DIS3L2: variants seen among roughly 807,000 people sequenced by gnomAD.
DIS3L2 encodes DIS3 like 3'-5' exoribonuclease 2, also known as DIS3-like exonuclease 2.
Under a neutral mutation model 97.5 loss-of-function variants are expected in DIS3L2, and 34 were observed. The observed-to-expected ratio is 0.35, with a 90% CI of 0.27 to 0.46. DIS3L2 has a LOEUF of 0.46. Among genes scored for constraint, DIS3L2 ranks in the 20% least tolerant of loss-of-function variants. DIS3L2 has a pLI of 1.00. For synonymous variants in DIS3L2, 435 were observed against 445.2 expected, an observed-to-expected ratio of 0.98 and a Z score of 0.29; for missense variants, 1,038 against 1,146.0, an observed-to-expected ratio of 0.91 and a Z score of 1.36.
chr2:232,104,392 G>A (rs544939145), intron 6 of DIS3L2, among the ~76,000 whole-genome samples: 2 of 152,196 alleles, frequency 1.3e-5, no homozygotes, highest in South Asian at 4.1e-4. Flanking sequence ...ATAACACACA[G>A]AAACTTTTGT....
rs540637002 is a variant in DIS3L2, at chr2:231,976,300, G to A, written c.-94+14535G>A. On this transcript the variant is annotated intron_variant, in intron 1 of 20. Coordinates refer to ENST00000325385, the MANE Select transcript of DIS3L2 (RefSeq NM_152383.5). ...TACAGATCCTTCTTGACTTCTGATG[G>A]CGTTGCATTCCAATAAACCCATCAT... Among the ~76,000 whole-genome samples, 335 of 152,038 alleles carry A rather than the reference G, an allele frequency of 2.2e-3. 2 individuals are homozygous for A. Among genetic ancestry groups the A allele is most frequent in the African/African-American group, 7.9e-3 (328 of 41,448 alleles).
chr2:232,249,382 CTT>C, intron 12 of DIS3L2, 36 bp downstream of exon 12: 1 of 1,596,946 alleles, frequency 6.3e-7, no homozygotes, highest in South Asian at 1.1e-5. Context: ...CCACTTACCT[CTT>C]TTCTGTTCCA....
At chr2:232,234,806 G>A (rs1265493342) in intron 10 of DIS3L2, among the ~76,000 whole-genome samples, 1 of 152,178 alleles carries the variant, frequency 6.6e-6, no homozygotes, top group Non-Finnish European at 1.5e-5. Flanking sequence ...AAATGGATGG[G>A]TCCCCACTCA....
At chr2:232,169,156 A>T (rs1237518762) in intron 9 of DIS3L2, among the ~76,000 whole-genome samples, 1 of 152,182 alleles carries the variant, frequency 6.6e-6, no homozygotes, top group Non-Finnish European at 1.5e-5. Context: ...AAGAGTTTTT[A>T]AAAACAGTAT....
rs768385941 is a variant in DIS3L2, at chr2:232,334,431, G to A, written c.2221G>A (p.Asp741Asn). 18 of 1,613,772 alleles carry A rather than the reference G, an allele frequency of 1.1e-5. No individual in the cohort carries two copies. The highest frequency in any genetic ancestry group is 4.5e-5 in the East Asian group (2 of 44,874). ...GCAGAAACAGGCGGACCACTGTAAC[G>A]ACCGCCGCATGGCGTCCAAGCGCGT... ...TLQKQADHCN[D>N]RRMASKRVQE... The change falls in exon 18 of 21, where the codon GAC (aspartate) becomes AAC (asparagine). Residue 741 changes from aspartate to asparagine, a missense_variant. This residue lies in a region of DIS3L2 where 221 missense variants were observed against 246.9 expected (regional missense o/e 0.90). Coordinates refer to ENST00000325385, the MANE Select transcript of DIS3L2 (RefSeq NM_152383.5).
At position 232,232,331 on chromosome 2, in the gene DIS3L2, G is replaced by A. The variant is rs141128313; in HGVS notation, c.1205-6202G>A. ...CTCTGGAGGGTGTAGATGGTGAGGCGACAGGCAGATTTGTGTTTGGAAAGG... is the reference window on the plus strand; with the variant it reads ...CTCTGGAGGGTGTAGATGGTGAGGCAACAGGCAGATTTGTGTTTGGAAAGG... On this transcript the variant is annotated intron_variant, in intron 10 of 20. Coordinates refer to ENST00000325385, the MANE Select transcript of DIS3L2 (RefSeq NM_152383.5). 8.5e-3 allele frequency among the ~76,000 whole-genome samples: 1,289 copies of A among 151,674 alleles called. 22 individuals carry two copies. The highest frequency in any genetic ancestry group is 0.049 in the Admixed American group (742 of 15,244).
intron 10 of DIS3L2, among the ~76,000 whole-genome samples, chr2:232,224,066 T>C (rs1692576268): frequency 6.6e-6 from 1 of 152,186 alleles, no homozygotes; most frequent in Admixed American, 6.5e-5. Flanking sequence ...TCCTCCAGCC[T>C]GGGCGACAGA....
intron 16 of DIS3L2, among the ~76,000 whole-genome samples, chr2:232,331,507 A>T (rs1695737684): frequency 6.6e-6 from 1 of 152,166 alleles, no homozygotes; most frequent in South Asian, 2.1e-4. Flanking sequence ...TTATTTTCTG[A>T]CACTTCAAGC....
At chr2:232,206,670 G>A (rs1692035925) in intron 9 of DIS3L2, among the ~76,000 whole-genome samples, 2 of 152,172 alleles carry the variant, frequency 1.3e-5, no homozygotes, top group Admixed American at 1.3e-4. Context: ...TGTTTGGATG[G>A]CTTATCTTTC....
At chr2:232,333,709 C>A in intron 16 of DIS3L2, 131 bp from the exon 17 acceptor site, 5 of 1,368,456 alleles carry the variant, frequency 3.7e-6, no homozygotes, top group Non-Finnish European at 4.8e-6. Context: ...CCTGGCGTCA[C>A]TCAGCAACCA....
chr2:232,322,850 C>T (rs752060397), intron 14 of DIS3L2, among the ~76,000 whole-genome samples: 11 of 152,186 alleles, frequency 7.2e-5, no homozygotes, highest in Non-Finnish European at 1.5e-4. Context: ...ATTTTAAAAC[C>T]GAAGTCGATG....
chr2:232,181,733 G>C (rs889894946), intron 9 of DIS3L2, among the ~76,000 whole-genome samples: 2 of 152,018 alleles, frequency 1.3e-5, no homozygotes, highest in East Asian at 3.9e-4. Flanking sequence ...CCACCTCCTG[G>C]GTTCAAGTGA....
At chr2:232,000,668 CTCT>C (rs1693865553) in intron 1 of DIS3L2, among the ~76,000 whole-genome samples, 1 of 106,090 alleles carries the variant, frequency 9.4e-6, no homozygotes, top group Non-Finnish European at 2.0e-5. Context: ...CTTTCTCTTT[CTCT>C]CTTTCTCTCT....
chr2:232,149,223 T>A (rs1424819882), intron 8 of DIS3L2, among the ~76,000 whole-genome samples: 1 of 149,652 alleles, frequency 6.7e-6, no homozygotes, highest in Non-Finnish European at 1.5e-5. Context: ...ATATTCTAAG[T>A]TTTAGGGTAC....
At chr2:232,006,645 T>C (rs1254257408) in intron 1 of DIS3L2, among the ~76,000 whole-genome samples, 1 of 152,082 alleles carries the variant, frequency 6.6e-6, no homozygotes, top group Non-Finnish European at 1.5e-5. Flanking sequence ...GAGATGAAAA[T>C]TTAAAACTCT....
chr2:232,125,475 C>T (rs544168156), intron 6 of DIS3L2, among the ~76,000 whole-genome samples: 80 of 152,266 alleles, frequency 5.3e-4, no homozygotes, highest in African/African-American at 1.5e-3. Flanking sequence ...TCAACACCAG[C>T]ATCCTGCATG....
chr2:232,106,910 C>T (rs918357412), intron 6 of DIS3L2, among the ~76,000 whole-genome samples: 7 of 152,170 alleles, frequency 4.6e-5, no homozygotes, highest in South Asian at 2.1e-4. Context: ...AATGGTCTGT[C>T]GGACCACAGT....
intron 6 of DIS3L2, among the ~76,000 whole-genome samples, chr2:232,122,137 C>G (rs1028816567): frequency 1.3e-5 from 2 of 152,164 alleles, no homozygotes; most frequent in African/African-American, 2.4e-5. Flanking sequence ...CTCTGCCTAT[C>G]TATGTAGTAC....
intron 5 of DIS3L2, 100 bp downstream of exon 5, chr2:232,030,180 C>G: frequency 1.0e-6 from 1 of 960,786 alleles, no homozygotes; most frequent in Non-Finnish European, 1.6e-6. Flanking sequence ...TCACAGACCC[C>G]TTAGGCGCTG....
Sources: gnomAD v4.1 joint callset for allele counts (sites outside exome capture counted in the v4.1 genomes callset) on GRCh38, gnomAD v4.1.1 for gene constraint, gnomAD v4.1.1 regional missense constraint, MANE v1.5 for transcripts, NCBI Gene and HGNC (gene_info 2026-07-23, HGNC 2026-07-21) for gene names.